P2RY12: variants seen among roughly 807,000 people sequenced by gnomAD.
P2RY12 encodes the protein purinergic receptor P2Y12, also known as P2Y purinoceptor 12.
A neutral mutation model predicts 4.5 loss-of-function variants in P2RY12; 3 were observed. The ratio of observed to expected loss-of-function variants is 0.67; its 90% confidence interval spans 0.31 to 1.74. P2RY12 has a LOEUF of 1.74. Ranked by LOEUF, P2RY12 falls within the 40% of genes most tolerant of loss-of-function variation. The pLI is 0.09. For missense variants in P2RY12, 356 were observed against 407.8 expected, an observed-to-expected ratio of 0.87 and a Z score of 1.09; for synonymous variants, 148 against 154.1, an observed-to-expected ratio of 0.96 and a Z score of 0.29.
chr3:151,350,032 T>G, intron 1 of P2RY12: 1 of 1,596,658 alleles, frequency 6.3e-7, no homozygotes. Context: ...CAGACAAGAG[T>G]TTCAGAATGC....
chr3:151,351,237 C>G (rs904476461), intron 1 of P2RY12, among the ~76,000 whole-genome samples: 2 of 152,188 alleles, frequency 1.3e-5, no homozygotes, highest in African/African-American at 4.8e-5. Flanking sequence ...AAGATAGGTT[C>G]TCTTTCTTCC....
intron 1 of P2RY12, among the ~76,000 whole-genome samples, chr3:151,370,298 T>A (rs1436427516): frequency 6.6e-6 from 1 of 152,198 alleles, no homozygotes; most frequent in Non-Finnish European, 1.5e-5. Context: ...CTTCTTTTGG[T>A]CTTGACTCTT....
At chr3:151,380,597 C>CAAA (rs56792030) in intron 1 of P2RY12, among the ~76,000 whole-genome samples, 1 of 113,292 alleles carries the variant, frequency 8.8e-6, no homozygotes, top group Non-Finnish European at 1.9e-5. Context: ...AACTCTGTCT[C>CAAA]AAAAAAAAAA....
chr3:151,375,291 A>G (rs1756691055), intron 1 of P2RY12, among the ~76,000 whole-genome samples: 1 of 152,252 alleles, frequency 6.6e-6, no homozygotes, highest in South Asian at 2.1e-4. Context: ...GTTAAAAAAC[A>G]GACTTCACCC....
chr3:151,363,739 T>G (rs937812193), intron 1 of P2RY12, among the ~76,000 whole-genome samples: 1 of 152,142 alleles, frequency 6.6e-6, no homozygotes, highest in Admixed American at 6.5e-5. Flanking sequence ...GGCACTTGAT[T>G]TATGTGGGAG....
At chr3:151,345,245 G>A (rs182848746) in intron 1 of P2RY12, among the ~76,000 whole-genome samples, 24 of 152,292 alleles carry the variant, frequency 1.6e-4, no homozygotes, top group African/African-American at 5.1e-4. Flanking sequence ...GTAGCCTGAC[G>A]TCTCCTGTAA....
intron 1 of P2RY12, among the ~76,000 whole-genome samples, chr3:151,375,752 T>C (rs1429156232): frequency 6.6e-6 from 1 of 152,146 alleles, no homozygotes; most frequent in Non-Finnish European, 1.5e-5. Context: ...GACCTTACTT[T>C]CCAGTTAAAA....
At chr3:151,355,813 T>C in intron 1 of P2RY12, 1 of 1,271,318 alleles carries the variant, frequency 7.9e-7, no homozygotes, top group Non-Finnish European at 1.1e-6. Flanking sequence ...GATTCAACTG[T>C]CTTAAAAAGT....
intron 1 of P2RY12, chr3:151,355,102 C>A (rs762043442): frequency 1.5e-5 from 23 of 1,567,276 alleles, no homozygotes; most frequent in Non-Finnish European, 1.9e-5. Flanking sequence ...AATAATGGAT[C>A]TGCTTTATGT....
At chr3:151,362,036 C>T (rs1754671513) in intron 1 of P2RY12, among the ~76,000 whole-genome samples, 1 of 151,848 alleles carries the variant, frequency 6.6e-6, no homozygotes, top group Non-Finnish European at 1.5e-5. Flanking sequence ...GTTCAACTAC[C>T]ATTTTTTTTC....
At position 151,368,282 on chromosome 3, in the gene P2RY12, T is replaced by A. The variant is rs1755533746; in HGVS notation, c.-180+16410A>T. 3.2e-6 allele frequency: 5 copies of A among 1,561,536 alleles called. No homozygotes were observed. In the Middle Eastern group the frequency reaches 8.4e-4, roughly 262 times the overall value. ...CTGACTGCAGAAAAATCTGATTACC[T>A]TTTCATTGGTAGCTAAAGTTTCTAA... On this transcript the variant is annotated intron_variant, in intron 1 of 2. Coordinates refer to ENST00000302632, the MANE Select transcript of P2RY12 (RefSeq NM_022788.5).
intron 1 of P2RY12, among the ~76,000 whole-genome samples, chr3:151,374,925 G>C (rs540758397): frequency 5.3e-5 from 8 of 151,930 alleles, no homozygotes; most frequent in African/African-American, 1.9e-4. Context: ...TGTTTTAAAA[G>C]TTCTCTTATA....
chr3:151,355,650 G>T (rs910924408), intron 1 of P2RY12, among the ~76,000 whole-genome samples: 21 of 152,110 alleles, frequency 1.4e-4, no homozygotes, highest in African/African-American at 4.6e-4. Flanking sequence ...ATTTGTAGTT[G>T]TTCTACCATT....
At chr3:151,373,335 A>T (rs548982749) in intron 1 of P2RY12, among the ~76,000 whole-genome samples, 2 of 152,142 alleles carry the variant, frequency 1.3e-5, no homozygotes, top group Admixed American at 6.6e-5. Flanking sequence ...CTCAAGGGTG[A>T]TGTTAATTTT....
chr3:151,340,537 A>G (rs1751678733), intron 2 of P2RY12, 59 bp downstream of exon 2: 1 of 152,630 alleles, frequency 6.6e-6, no homozygotes. Flanking sequence ...GAAAAAATGT[A>G]CACACATATC....
At chr3:151,345,932 A>G (rs1270904011) in intron 1 of P2RY12, among the ~76,000 whole-genome samples, 1 of 152,194 alleles carries the variant, frequency 6.6e-6, no homozygotes, top group East Asian at 1.9e-4. Context: ...AGTAACACCT[A>G]GCATGAGTTC....
chr3:151,363,128 A>G (rs1251551122), intron 1 of P2RY12, among the ~76,000 whole-genome samples: 2 of 152,096 alleles, frequency 1.3e-5, no homozygotes, highest in African/African-American at 4.8e-5. Flanking sequence ...GGGTACCAGC[A>G]CACAGTGAAT....
At chr3:151,343,555 A>G (rs755005052) in intron 1 of P2RY12, among the ~76,000 whole-genome samples, 1 of 152,228 alleles carries the variant, frequency 6.6e-6, no homozygotes, top group Non-Finnish European at 1.5e-5. Context: ...TCTCAGTTAC[A>G]GAAGTATATT....
intron 1 of P2RY12, among the ~76,000 whole-genome samples, chr3:151,367,387 G>C (rs1388619): frequency 6.6e-6 from 1 of 152,176 alleles, no homozygotes; most frequent in East Asian, 1.9e-4. Flanking sequence ...TTTTGTTGTT[G>C]TGTTTTTCAT....
Sources: gnomAD v4.1 joint callset for allele counts (sites outside exome capture counted in the v4.1 genomes callset) on GRCh38, gnomAD v4.1.1 for gene constraint, MANE v1.5 for transcripts, NCBI Gene and HGNC (gene_info 2026-07-23, HGNC 2026-07-21) for gene names.